RBFOX1: variants seen among roughly 807,000 people sequenced by gnomAD.
RBFOX1 encodes the protein RNA binding fox-1 homolog 1, also known as RNA binding protein fox-1 homolog 1.
A neutral mutation model predicts 57.7 loss-of-function variants in RBFOX1; 8 were observed. The observed-to-expected ratio is 0.14, with a 90% CI of 0.08 to 0.25. The LOEUF (loss-of-function observed/expected upper bound fraction) is 0.25. Among genes scored for constraint, RBFOX1 ranks in the 10% least tolerant of loss-of-function variants. The pLI, the probability that RBFOX1 is intolerant of heterozygous loss-of-function variation, is 1.00. For synonymous variants in RBFOX1, 326 were observed against 222.4 expected (o/e 1.47, Z -4.15); for missense variants, 611 against 548.5 (o/e 1.11, Z -1.14).
intron 1 of RBFOX1, among the ~76,000 whole-genome samples, chr16:5,382,146 C>G (rs952208513): frequency 3.9e-5 from 6 of 152,216 alleles, no homozygotes; most frequent in African/African-American, 1.4e-4. Context: ...TTTTTCCAGG[C>G]TTCACAGAAA....
intron 1 of RBFOX1, among the ~76,000 whole-genome samples, chr16:5,449,849 C>T (rs1046052746): frequency 6.6e-6 from 1 of 152,130 alleles, no homozygotes; most frequent in Non-Finnish European, 1.5e-5. Flanking sequence ...TTCAAGTGAT[C>T]GTCCCACCTC....
intron 1 of RBFOX1, among the ~76,000 whole-genome samples, chr16:6,282,074 C>T (rs1393956315): frequency 3.9e-5 from 6 of 152,088 alleles, no homozygotes; most frequent in African/African-American, 7.2e-5. Context: ...ATCTCTGTAC[C>T]ATGAGAAGTA....
chr16:5,610,827 C>T (rs1051220799), intron 3 of RBFOX1, among the ~76,000 whole-genome samples: 11 of 152,148 alleles, frequency 7.2e-5, no homozygotes, highest in Non-Finnish European at 2.9e-5. Context: ...ATGATTGCAG[C>T]ACTGCACTCC....
chr16:7,485,332 G>C (rs1244696747), intron 4 of RBFOX1, among the ~76,000 whole-genome samples: 4 of 152,170 alleles, frequency 2.6e-5, no homozygotes, highest in Non-Finnish European at 5.9e-5. Context: ...CTTGCTATGC[G>C]CTGTTGCTTA....
At chr16:7,242,167 T>C (rs1193861039) in intron 4 of RBFOX1, among the ~76,000 whole-genome samples, 1 of 152,182 alleles carries the variant, frequency 6.6e-6, no homozygotes, top group African/African-American at 2.4e-5. Context: ...AACCCATATA[T>C]GTGTAGGTCA....
At chr16:7,456,263 A>C (rs925519591) in intron 4 of RBFOX1, among the ~76,000 whole-genome samples, 1 of 152,178 alleles carries the variant, frequency 6.6e-6, no homozygotes, top group East Asian at 1.9e-4. Context: ...CCTATCCTAG[A>C]GGGACCCCCC....
chr16:6,454,781 C>A (rs533418196), intron 2 of RBFOX1, among the ~76,000 whole-genome samples: 1 of 151,666 alleles, frequency 6.6e-6, no homozygotes, highest in Non-Finnish European at 1.5e-5. Context: ...CTTCTCTCCC[C>A]CTCCCTCCCC....
chr16:6,945,660 G>A (rs887263405), intron 3 of RBFOX1, among the ~76,000 whole-genome samples: 1 of 152,064 alleles, frequency 6.6e-6, no homozygotes, highest in Non-Finnish European at 1.5e-5. Flanking sequence ...GGAGGACGAG[G>A]TGGGTGGATT....
chr16:7,600,128 G>T (rs549363095), intron 9 of RBFOX1, among the ~76,000 whole-genome samples: 1 of 152,206 alleles, frequency 6.6e-6, no homozygotes, highest in South Asian at 2.1e-4. Flanking sequence ...TCCCATTCCA[G>T]GTAGCCATGC....
rs752770034 is a variant in RBFOX1, at chr16:7,518,266, G to A, written c.147G>A (p.Ala49=). The A allele has an allele frequency of 5.0e-6, 8 of 1,613,958 alleles. No homozygotes were observed. The highest frequency in any genetic ancestry group is 1.7e-5 in the Admixed American group (1 of 60,010). Residue 49 remains alanine (A), a synonymous_variant, in exon 5 of 16, where the codon GCG becomes GCA. Coordinates refer to ENST00000550418, the MANE Select transcript of RBFOX1 (RefSeq NM_018723.4). ...ACACGGCCCCTCATCCCCACCCCGC[G>A]CCAGAGTACACAGGCCAGACCACGG... ...AEYTAPHPHP[A]PEYTGQTTVP... is the part of the protein sequence containing the mutation.
intron 3 of RBFOX1, among the ~76,000 whole-genome samples, chr16:6,910,353 C>T (rs2071242330): frequency 6.6e-6 from 1 of 152,194 alleles, no homozygotes; most frequent in Non-Finnish European, 1.5e-5. Flanking sequence ...CCCGTCTCCA[C>T]ACCCATCTTC....
chr16:7,480,773 A>T (rs1255781566), intron 4 of RBFOX1, among the ~76,000 whole-genome samples: 1 of 152,088 alleles, frequency 6.6e-6, no homozygotes, highest in Non-Finnish European at 1.5e-5. Context: ...CATTTGTGAG[A>T]AGTCGTAATT....
Position 5,615,963 on chromosome 16 carries a change from C to T in RBFOX1, c.318+17002C>T, listed in dbSNP as rs1454017899. ...CGCTTCTTTCCCCTCTGAAGTTGGG[C>T]TGAGAGGCGTCTCCAGGAAGCATGG... is the stretch of plus-strand genomic sequence containing the variant. On this transcript the variant is annotated intron_variant, in intron 3 of 19. Coordinates refer to the RBFOX1 transcript ENST00000641259. Among the ~76,000 whole-genome samples, 4 of 152,334 alleles carry T rather than the reference C, an allele frequency of 2.6e-5. No individual in the cohort carries two copies. In the East Asian group the frequency reaches 7.7e-4, roughly 29 times the overall value.
chr16:5,320,997 C>T (rs116718657), intron 1 of RBFOX1, among the ~76,000 whole-genome samples: 1 of 152,180 alleles, frequency 6.6e-6, no homozygotes. Flanking sequence ...TAGTCAGATG[C>T]TTTTATTTCC....
chr16:5,320,494 A>G (rs1210069719), intron 1 of RBFOX1, among the ~76,000 whole-genome samples: 1 of 152,234 alleles, frequency 6.6e-6, no homozygotes, highest in African/African-American at 2.4e-5. Flanking sequence ...TATTTTACTT[A>G]GAAGTCTTTT....
At chr16:5,351,779 G>A (rs896704313) in intron 1 of RBFOX1, among the ~76,000 whole-genome samples, 4 of 152,068 alleles carry the variant, frequency 2.6e-5, no homozygotes, top group African/African-American at 9.7e-5. Flanking sequence ...TTTGCTTGAA[G>A]CTTTAGGCTC....
At chr16:7,349,876 G>T (rs2097095442) in intron 4 of RBFOX1, among the ~76,000 whole-genome samples, 1 of 152,206 alleles carries the variant, frequency 6.6e-6, no homozygotes, top group Admixed American at 6.5e-5. Flanking sequence ...GCCAGGCACG[G>T]TGGCTCATGC....
chr16:5,638,891 C>A (rs1021059773), intron 3 of RBFOX1, among the ~76,000 whole-genome samples: 89 of 152,312 alleles, frequency 5.8e-4, no homozygotes, highest in African/African-American at 1.9e-3. Context: ...TTCTTCTGAG[C>A]AAACTCCTGT....
At chr16:6,599,952 A>C (rs1011451731) in intron 2 of RBFOX1, among the ~76,000 whole-genome samples, 1 of 152,194 alleles carries the variant, frequency 6.6e-6, no homozygotes, top group Non-Finnish European at 1.5e-5. Context: ...CATTGAACGC[A>C]GTCCATAACT....
Sources: allele counts gnomAD v4.1 joint callset (sites outside exome capture counted in the v4.1 genomes callset), GRCh38; gene constraint gnomAD v4.1.1; transcripts MANE v1.5; gene names NCBI Gene and HGNC (gene_info 2026-07-23, HGNC 2026-07-21).